CDC73: variants seen among roughly 807,000 people sequenced by gnomAD.
CDC73 encodes the protein parafibromin.
Under a neutral mutation model 83.7 loss-of-function variants are expected in CDC73, and 21 were observed. The ratio of observed to expected loss-of-function variants is 0.25; its 90% CI spans 0.18 to 0.36. CDC73 has a LOEUF of 0.36. Ranked by LOEUF, CDC73 falls within the 10% of genes least tolerant of loss-of-function variation. CDC73 has a pLI of 1.00. For missense variants in CDC73, 342 were observed against 653.3 expected, an observed-to-expected ratio of 0.52 and a Z score of 5.19; for synonymous variants, 224 against 212.9, an observed-to-expected ratio of 1.05 and a Z score of -0.45.
At position 193,250,716 on chromosome 1, in the gene CDC73, A is replaced by T; in HGVS notation, c.*4A>T. 1 of 1,607,600 alleles carries T rather than the reference A, an allele frequency of 6.2e-7. No homozygotes were observed. Among genetic ancestry groups the T allele is most frequent in the Non-Finnish European group, 8.5e-7 (1 of 1,174,718 alleles). Reference sequence around the variant, plus strand: ...TAAATCGCACTTGAGATTCTGAATTATTTGGCTCCTCCATTTCTGGAAATT... The same window carrying T: ...TAAATCGCACTTGAGATTCTGAATTTTTTGGCTCCTCCATTTCTGGAAATT... On this transcript the variant is annotated 3_prime_UTR_variant, in exon 17 of 17. Coordinates refer to ENST00000367435, the MANE Select transcript of CDC73 (RefSeq NM_024529.5).
chr1:193,201,978 A>G (rs2103176623), intron 10 of CDC73, among the ~76,000 whole-genome samples: 1 of 152,250 alleles, frequency 6.6e-6, no homozygotes, highest in Admixed American at 6.5e-5. Flanking sequence ...ACTCATGGTT[A>G]AATGTGGACA....
At chr1:193,141,782 A>G (rs1675910482) in intron 6 of CDC73, 68 bp from the exon 7 acceptor site, 4 of 1,037,978 alleles carry the variant, frequency 3.9e-6, no homozygotes, top group Non-Finnish European at 5.8e-6. Context: ...TATAAATGTA[A>G]CAAAATATAT....
chr1:193,122,631 A>G (rs1675476311), intron 1 of CDC73: 1 of 359,154 alleles, frequency 2.8e-6, no homozygotes, highest in East Asian at 5.5e-5. Context: ...GAAGTGTGGG[A>G]CTGGTGCGCA....
At chr1:193,180,316 T>C in intron 10 of CDC73, 1 of 1,582,824 alleles carries the variant, frequency 6.3e-7, no homozygotes, top group Non-Finnish European at 8.6e-7. Context: ...ACGGTGGCGA[T>C]ACCTGCCTGC....
chr1:193,169,129 G>C (rs1013039166), intron 10 of CDC73, among the ~76,000 whole-genome samples: 14 of 152,122 alleles, frequency 9.2e-5, no homozygotes, highest in African/African-American at 3.1e-4. Flanking sequence ...CAAGTAATTA[G>C]TACTTGTCTC....
At chr1:193,166,150 A>G (rs1326895526) in intron 10 of CDC73, among the ~76,000 whole-genome samples, 1 of 152,130 alleles carries the variant, frequency 6.6e-6, no homozygotes, top group Non-Finnish European at 1.5e-5. Flanking sequence ...GAGTTTGTAT[A>G]GTTTAAGTGC....
rs1425189028 is a variant in CDC73 at position 193,254,168 on chromosome 1, A to G, written c.*3456A>G. On this transcript the variant is annotated 3_prime_UTR_variant, in exon 17 of 17. Transcript: ENST00000367435. ...TTTTGGAAGTTTATTAAAGCCCTTC[A>G]TATACACATACTTTTTAAAAAAAGA... Among the ~76,000 whole-genome samples the G allele has an allele frequency of 6.6e-6, 1 of 151,868 alleles. No individual in the cohort carries two copies. The highest frequency in any genetic ancestry group is 1.5e-5 in the Non-Finnish European group (1 of 67,856).
At chr1:193,219,661 C>T (rs1677432198) in intron 13 of CDC73, among the ~76,000 whole-genome samples, 1 of 152,090 alleles carries the variant, frequency 6.6e-6, no homozygotes, top group African/African-American at 2.4e-5. Flanking sequence ...ACCACATGTT[C>T]TACGTGGGAG....
In CDC73 at chr1:193,127,692, C is replaced by T. The variant is rs1327519321; in HGVS notation, c.237+2475C>T. Among the ~76,000 whole-genome samples, 16 of 152,096 alleles carry T rather than the reference C, an allele frequency of 1.1e-4. 1 individual carries two copies. Among genetic ancestry groups the T allele is most frequent in the Admixed American group, 1.0e-3 (16 of 15,264 alleles). On this transcript the variant is annotated intron_variant, in intron 2 of 16. Coordinates refer to ENST00000367435, the MANE Select transcript of CDC73 (RefSeq NM_024529.5). The stretch of plus-strand genomic sequence containing the variant: ...GGACCCTTGGTTGCATAAGATTTAA[C>T]TCATTTTTCATAAGTATTTGCCAGA...
rs115629656 is a variant in CDC73, at chr1:193,184,557, A to G, written c.973-19238A>G. On this transcript the variant is annotated intron_variant, in intron 10 of 16. Coordinates refer to ENST00000367435, the MANE Select transcript of CDC73 (RefSeq NM_024529.5). Reference sequence around the variant, plus strand: ...AGAATGTTACTGTAAAATGCTGTTCAGTACACACTCAGTTTTTATCATTTG... The same window carrying G: ...AGAATGTTACTGTAAAATGCTGTTCGGTACACACTCAGTTTTTATCATTTG... Among the ~76,000 whole-genome samples, 1,440 of 152,044 alleles carry G rather than the reference A, an allele frequency of 9.5e-3. 15 individuals are homozygous for G. The highest frequency in any genetic ancestry group is 0.034 in the South Asian group (163 of 4,826).
intron 15 of CDC73, among the ~76,000 whole-genome samples, chr1:193,247,277 T>C (rs573008970): frequency 1.3e-4 from 20 of 152,198 alleles, no homozygotes; most frequent in African/African-American, 4.3e-4. Flanking sequence ...ATCTTTGATG[T>C]TACTATTAAA....
At chr1:193,211,684 C>T (rs1298112318) in intron 11 of CDC73, among the ~76,000 whole-genome samples, 3 of 152,156 alleles carry the variant, frequency 2.0e-5, no homozygotes, top group African/African-American at 7.2e-5. Flanking sequence ...GGACAAAGAG[C>T]ATTCACATCC....
intron 15 of CDC73, among the ~76,000 whole-genome samples, chr1:193,237,315 C>A (rs968160968): frequency 6.6e-6 from 1 of 151,770 alleles, no homozygotes; most frequent in Non-Finnish European, 1.5e-5. Context: ...TCTTCTGTTA[C>A]CTTCATTCAT....
At chr1:193,174,069 T>TA (rs1284120897) in intron 10 of CDC73, among the ~76,000 whole-genome samples, 1 of 152,134 alleles carries the variant, frequency 6.6e-6, no homozygotes, top group African/African-American at 2.4e-5. Flanking sequence ...TTTTTCCCAT[T>TA]ACGTTTCTTC....
intron 10 of CDC73, chr1:193,181,747 C>G: frequency 1.8e-6 from 1 of 551,510 alleles, no homozygotes; most frequent in Non-Finnish European, 3.1e-6. Flanking sequence ...CTAATATGAT[C>G]AGGGCAAATA....
At chr1:193,217,049 C>CA (rs1364698201) in intron 13 of CDC73, among the ~76,000 whole-genome samples, 1 of 152,194 alleles carries the variant, frequency 6.6e-6, no homozygotes, top group Non-Finnish European at 1.5e-5. Context: ...TGTCCACTCT[C>CA]ACCACCCCTA....
chr1:193,218,105 G>A (rs6673271), intron 13 of CDC73, among the ~76,000 whole-genome samples: 110,044 of 151,996 alleles, frequency 0.72, 40,107 homozygotes, highest in South Asian at 0.82. Context: ...CTATACACTA[G>A]TAATGTCCAA....
chr1:193,203,695 G>C, intron 10 of CDC73, 100 bp from the exon 11 acceptor site: 2 of 984,016 alleles, frequency 2.0e-6, no homozygotes, highest in South Asian at 2.7e-5. Context: ...GAGAAAAACA[G>C]AACAAGAGAC....
intron 10 of CDC73, among the ~76,000 whole-genome samples, chr1:193,199,835 A>G (rs1677059564): frequency 6.6e-6 from 1 of 152,144 alleles, no homozygotes; most frequent in Admixed American, 6.6e-5. Context: ...CAAGGGTATG[A>G]CTATTATTTA....
Sources: gnomAD v4.1 joint callset for allele counts (sites outside exome capture counted in the v4.1 genomes callset) on GRCh38, gnomAD v4.1.1 for gene constraint, MANE v1.5 for transcripts, NCBI Gene and HGNC (gene_info 2026-07-23, HGNC 2026-07-21) for gene names.